HTR1F: variants seen among roughly 807,000 people sequenced by gnomAD.
HTR1F encodes the protein 5-hydroxytryptamine receptor 1F, also known as 5-hydroxytryptamine (serotonin) receptor 1F, G protein-coupled.
HTR1F carries 17 observed loss-of-function variants against 24.0 expected under a neutral mutation model. The ratio of observed to expected loss-of-function variants is 0.71; its 90% CI spans 0.48 to 1.06. HTR1F has a LOEUF of 1.06. HTR1F is among the 50% of genes least tolerant of loss of function. HTR1F has a pLI of 0.00. For missense variants in HTR1F, 391 were observed against 427.8 expected (o/e 0.91, Z 0.76); for synonymous variants, 186 against 156.8 (o/e 1.19, Z -1.39).
chr3:87,903,965 T>C (rs1311782576), intron 2 of HTR1F, among the ~76,000 whole-genome samples: 4 of 152,136 alleles, frequency 2.6e-5, no homozygotes, highest in Non-Finnish European at 5.9e-5. Flanking sequence ...TACAAGATGG[T>C]TGCAATACAT....
At chr3:87,836,105 T>A (rs138308006) in intron 2 of HTR1F, among the ~76,000 whole-genome samples, 30 of 152,354 alleles carry the variant, frequency 2.0e-4, no homozygotes, top group Middle Eastern at 3.4e-3. Flanking sequence ...TGCAAAGTGG[T>A]GAACATGTAC....
chr3:87,973,098 G>C (rs1705321119), intron 2 of HTR1F, among the ~76,000 whole-genome samples: 1 of 152,112 alleles, frequency 6.6e-6, no homozygotes, highest in Admixed American at 6.6e-5. Flanking sequence ...TTGAACCCGG[G>C]AGGCGGAGGT....
chr3:87,942,467 G>C (rs1035797013), intron 2 of HTR1F, among the ~76,000 whole-genome samples: 19 of 152,022 alleles, frequency 1.2e-4, no homozygotes, highest in African/African-American at 4.6e-4. Context: ...CGCTTGCCCC[G>C]GGCACCCTCA....
At chr3:87,916,728 A>G (rs930960401) in intron 2 of HTR1F, among the ~76,000 whole-genome samples, 1 of 152,146 alleles carries the variant, frequency 6.6e-6, no homozygotes, top group Admixed American at 6.6e-5. Context: ...TTTACAAAGC[A>G]ATTACTAATA....
At chr3:87,981,881 T>G (rs1161835767) in intron 2 of HTR1F, among the ~76,000 whole-genome samples, 1 of 152,176 alleles carries the variant, frequency 6.6e-6, no homozygotes, top group East Asian at 1.9e-4. Context: ...CCAGATCCAT[T>G]TAAGCAATGA....
chr3:87,846,033 C>A (rs527588931), intron 2 of HTR1F, among the ~76,000 whole-genome samples: 2 of 151,918 alleles, frequency 1.3e-5, no homozygotes, highest in East Asian at 3.9e-4. Flanking sequence ...TCTTCTAGGG[C>A]TAGGGATAAG....
At chr3:87,969,724 T>C (rs897819579) in intron 2 of HTR1F, among the ~76,000 whole-genome samples, 1 of 152,104 alleles carries the variant, frequency 6.6e-6, no homozygotes, top group African/African-American at 2.4e-5. Flanking sequence ...GAAGGCATGA[T>C]TGGTTTTTAA....
intron 1 of HTR1F, among the ~76,000 whole-genome samples, chr3:87,803,585 C>G (rs1049847783): frequency 6.6e-6 from 1 of 152,108 alleles, no homozygotes; most frequent in African/African-American, 2.4e-5. Context: ...TGGAACATTA[C>G]TCAGAAGCAG....
chr3:87,929,790 T>A (rs192147706), intron 2 of HTR1F, among the ~76,000 whole-genome samples: 2 of 152,298 alleles, frequency 1.3e-5, no homozygotes, highest in Non-Finnish European at 2.9e-5. Context: ...TGGGCTCTTT[T>A]TGGGCTCCAT....
intron 2 of HTR1F, among the ~76,000 whole-genome samples, chr3:87,888,104 T>C (rs1362238841): frequency 6.6e-6 from 1 of 152,062 alleles, no homozygotes; most frequent in Non-Finnish European, 1.5e-5. Context: ...ATTAAGAAAA[T>C]GTGGCATATA....
chr3:87,883,044 C>T (rs1705844736), intron 2 of HTR1F, among the ~76,000 whole-genome samples: 1 of 151,988 alleles, frequency 6.6e-6, no homozygotes, highest in Admixed American at 6.6e-5. Context: ...AGACACATCC[C>T]AGTAGGGGCG....
chr3:87,804,706 T>G (rs1704046824), intron 1 of HTR1F, among the ~76,000 whole-genome samples: 1 of 152,114 alleles, frequency 6.6e-6, no homozygotes. Flanking sequence ...ATGCTGCAAA[T>G]TTTCCCCTCT....
intron 2 of HTR1F, among the ~76,000 whole-genome samples, chr3:87,918,101 G>A (rs1960978): frequency 0.09 from 13,705 of 151,834 alleles, 666 homozygotes; most frequent in African/African-American, 0.12. Context: ...CACATAAACA[G>A]CATTAAAAAC....
At chr3:87,898,837 A>C (rs539227950) in intron 2 of HTR1F, among the ~76,000 whole-genome samples, 1 of 152,158 alleles carries the variant, frequency 6.6e-6, no homozygotes, top group African/African-American at 2.4e-5. Context: ...AGAAATCTAA[A>C]TTGTATTTTA....
intron 2 of HTR1F, among the ~76,000 whole-genome samples, chr3:87,869,406 TA>T (rs1350912480): frequency 1.4e-5 from 2 of 138,224 alleles, no homozygotes; most frequent in African/African-American, 3.0e-5. Flanking sequence ...GATAGATAGA[TA>T]GATAGATAGA....
intron 2 of HTR1F, among the ~76,000 whole-genome samples, chr3:87,956,844 G>A (rs934811516): frequency 9.3e-5 from 14 of 151,160 alleles, no homozygotes; most frequent in Admixed American, 2.6e-4. Flanking sequence ...GGTAAAATTC[G>A]CTTACTTTAA....
At chr3:87,891,966 C>T (rs1346686285) in intron 2 of HTR1F, among the ~76,000 whole-genome samples, 2 of 152,180 alleles carry the variant, frequency 1.3e-5, no homozygotes, top group Admixed American at 1.3e-4. Flanking sequence ...GAGCTGCCAA[C>T]TCAAGACACA....
chr3:87,944,027 C>G (rs929851551), intron 2 of HTR1F, among the ~76,000 whole-genome samples: 1 of 152,142 alleles, frequency 6.6e-6, no homozygotes, highest in Non-Finnish European at 1.5e-5. Context: ...TTATTCCTTT[C>G]CAGGGTGCGT....
intron 2 of HTR1F, among the ~76,000 whole-genome samples, chr3:87,912,230 T>C (rs923669895): frequency 3.3e-5 from 5 of 151,332 alleles, no homozygotes; most frequent in Non-Finnish European, 7.4e-5. Flanking sequence ...AATTTCATGA[T>C]ACAAAATTAA....
Sources: gnomAD v4.1 joint callset for allele counts (sites outside exome capture counted in the v4.1 genomes callset) on GRCh38, gnomAD v4.1.1 for gene constraint, MANE v1.5 for transcripts, NCBI Gene and HGNC (gene_info 2026-07-23, HGNC 2026-07-21) for gene names.